Variants in CR2 observed in about 807,000 individuals in gnomAD.
The protein encoded by CR2 is complement receptor type 2.
A neutral mutation model predicts 123.0 loss-of-function variants in CR2; 96 were observed. The ratio of observed to expected loss-of-function variants is 0.78; its 90% CI spans 0.66 to 0.93. The LOEUF (loss-of-function observed/expected upper bound fraction) is 0.93. Ranked by LOEUF, CR2 falls within the 40% of genes least tolerant of loss-of-function variation. The pLI is 0.00. For missense variants in CR2, 1,258 were observed against 1,361.0 expected (o/e 0.92, Z 1.19); for synonymous variants, 484 against 469.5 (o/e 1.03, Z -0.40).
chr1:207,478,877 T>C (rs1658521682), intron 16 of CR2, among the ~76,000 whole-genome samples: 1 of 151,026 alleles, frequency 6.6e-6, no homozygotes, highest in African/African-American at 2.4e-5. Flanking sequence ...TCCCCCAATC[T>C]ACTTAGAGTG....
chr1:207,474,689 A>G (rs1658385125), intron 13 of CR2, 135 bp from the exon 14 acceptor site: 1 of 968,234 alleles, frequency 1.0e-6, no homozygotes, highest in Non-Finnish European at 1.6e-6. Flanking sequence ...AAAAAGCATA[A>G]TCCATATTCC....
Position 207,477,955 on chromosome 1 carries a change from G to T in CR2, c.2973G>T (p.Gln991His), listed in dbSNP as rs537266880. 6.8e-6 allele frequency: 11 copies of T among 1,614,120 alleles called. No homozygotes were observed. In the African/African-American group the frequency reaches 9.3e-5, roughly 14 times the overall value. ...GGCTGGAACCAAGGAAAATGTATCA[G>T]TATGGAGCTGTTGTAACTCTGGAGT... Reference protein sequence around the residue: ...QKGLEPRKMYQYGAVVTLECE... With the variant: ...QKGLEPRKMYHYGAVVTLECE... The change falls in exon 16 of 20, where the codon CAG becomes CAT. Residue 991 changes from glutamine to histidine, a missense_variant. Gln to His is a conservative substitution (Grantham distance 24). Coordinates refer to ENST00000367057, the MANE Select transcript of CR2 (RefSeq NM_001006658.3).
In CR2 at chr1:207,458,115, T is replaced by C. The variant is rs545698880; in HGVS notation, c.58+3639T>C. Among the ~76,000 whole-genome samples the C allele has an allele frequency of 1.0e-4, 12 of 119,328 alleles. No individual in the cohort carries two copies. The South Asian group carries it at 3.0e-3, about 30-fold the overall frequency. The allele number at this position is 119,328 out of a possible 152,430, so 78.3% of individuals were successfully genotyped here. On this transcript the variant is annotated intron_variant, in intron 1 of 19. Coordinates refer to ENST00000367057, the MANE Select transcript of CR2 (RefSeq NM_001006658.3). ...ACACACACACTCCTTTTTCAGGCTTTCCATCCTCAGAACAGGGTAATTCTA... is the reference window on the plus strand; with the variant it reads ...ACACACACACTCCTTTTTCAGGCTTCCCATCCTCAGAACAGGGTAATTCTA...
At chr1:207,481,735 A>G (rs1487206527) in intron 18 of CR2, among the ~76,000 whole-genome samples, 1 of 152,088 alleles carries the variant, frequency 6.6e-6, no homozygotes, top group African/African-American at 2.4e-5. Context: ...ATTACCTTAT[A>G]TAAGCTACAT....
At chr1:207,467,815 T>C (rs1281449074) in intron 2 of CR2, among the ~76,000 whole-genome samples, 1 of 152,184 alleles carries the variant, frequency 6.6e-6, no homozygotes, top group Admixed American at 6.5e-5. Context: ...ATCGTATACA[T>C]GTCGCTAAGT....
intron 1 of CR2, among the ~76,000 whole-genome samples, chr1:207,466,135 G>A (rs1251519542): frequency 2.0e-5 from 3 of 152,208 alleles, no homozygotes; most frequent in South Asian, 2.1e-4. Flanking sequence ...TTGAATGACC[G>A]TGGGGAGTTG....
At chr1:207,460,981 G>A (rs1657950463) in intron 1 of CR2, among the ~76,000 whole-genome samples, 2 of 152,072 alleles carry the variant, frequency 1.3e-5, no homozygotes, top group South Asian at 2.1e-4. Context: ...GTAATTTTCA[G>A]GATCATATGT....
intron 17 of CR2, among the ~76,000 whole-genome samples, chr1:207,479,616 T>A (rs1454090165): frequency 6.6e-6 from 1 of 152,230 alleles, no homozygotes; most frequent in Non-Finnish European, 1.5e-5. Flanking sequence ...TTAAATGTTA[T>A]GCAAAATTAT....
At chr1:207,459,570 C>T (rs1219514761) in intron 1 of CR2, among the ~76,000 whole-genome samples, 1 of 152,088 alleles carries the variant, frequency 6.6e-6, no homozygotes, top group East Asian at 1.9e-4. Flanking sequence ...GGTAAAGTCC[C>T]TGGGCCCAAG....
chr1:207,473,933 G>A lies in CR2; in HGVS notation c.2240+48G>A, dbSNP rs768350405. 30 of 1,559,312 alleles carry A rather than the reference G, an allele frequency of 1.9e-5. No individual in the cohort carries two copies. The African/African-American group carries it at 3.9e-4, about 20-fold the overall frequency. ...TGAGAAAAGGTCTCAACCTTGTTTTGTGGATTAACTTGACCTTCAACTTGT... is the reference window on the plus strand; with the variant it reads ...TGAGAAAAGGTCTCAACCTTGTTTTATGGATTAACTTGACCTTCAACTTGT... On this transcript the variant is annotated intron_variant, in intron 12 of 19. Coordinates refer to ENST00000367057, the MANE Select transcript of CR2 (RefSeq NM_001006658.3).
intron 1 of CR2, among the ~76,000 whole-genome samples, chr1:207,460,386 T>C (rs986344053): frequency 2.6e-5 from 4 of 152,172 alleles, no homozygotes. Context: ...CAGTAGTAGT[T>C]TGGGGTCACA....
At position 207,468,705 on chromosome 1, in the gene CR2, C is replaced by G. The variant is rs61759494; in HGVS notation, c.624C>G (p.Pro208=). The stretch of plus-strand genomic sequence containing the variant: ...CGGGAAAATGGAGTGCTGTCCCCCC[C>G]ACATGTGAAGGTACCCTAAATTTAC... ...LSSGKWSAVP[P]TCEEARCKSL... Residue 208 remains proline (P), a synonymous_variant, in exon 3 of 20, where the codon CCC becomes CCG. Coordinates refer to ENST00000367057, the MANE Select transcript of CR2 (RefSeq NM_001006658.3). The G allele has an allele frequency of 0.011, 17,990 of 1,613,976 alleles. 140 individuals carry two copies. Among genetic ancestry groups the G allele is most frequent in the Non-Finnish European group, 0.012 (14,730 of 1,179,906 alleles).
At chr1:207,467,676 A>G (rs780387725) in intron 2 of CR2, among the ~76,000 whole-genome samples, 1 of 152,162 alleles carries the variant, frequency 6.6e-6, no homozygotes, top group Non-Finnish European at 1.5e-5. Flanking sequence ...CTGTTTATTG[A>G]TTGATTGATT....
chr1:207,479,908 C>A, intron 17 of CR2, 70 bp from the exon 18 acceptor site: 2 of 1,138,820 alleles, frequency 1.8e-6, no homozygotes, highest in Non-Finnish European at 2.7e-6. Context: ...AGCAATAGGC[C>A]CTGCAATCAG....
intron 2 of CR2, among the ~76,000 whole-genome samples, chr1:207,467,671 TATTG>T (rs772228164): frequency 6.6e-5 from 10 of 152,304 alleles, no homozygotes; most frequent in Non-Finnish European, 1.3e-4. Flanking sequence ...GGATTCTGTT[TATTG>T]ATTGATTGAT....
chr1:207,481,171 C>A (rs1291553594), intron 18 of CR2, among the ~76,000 whole-genome samples: 1 of 151,950 alleles, frequency 6.6e-6, no homozygotes, highest in Non-Finnish European at 1.5e-5. Context: ...TATTTTTAAA[C>A]ATCTTAATCC....
At chr1:207,486,503 T>C (rs951497919) in intron 19 of CR2, among the ~76,000 whole-genome samples, 6 of 152,104 alleles carry the variant, frequency 3.9e-5, no homozygotes, top group Admixed American at 6.6e-5. Flanking sequence ...TGCTAGGTCA[T>C]GGTAAAGAGA....
intron 15 of CR2, 142 bp from the exon 16 acceptor site, chr1:207,477,743 G>A: frequency 1.4e-6 from 1 of 716,000 alleles, no homozygotes. Flanking sequence ...CTAGGATATA[G>A]TCTTATCCTA....
At chr1:207,477,803 T>C (rs1465578103) in intron 15 of CR2, 82 bp from the exon 16 acceptor site, 1 of 1,292,664 alleles carries the variant, frequency 7.7e-7, no homozygotes, top group African/African-American at 1.5e-5. Flanking sequence ...GTTTTATAAA[T>C]CTTTCTATTA....
Sources: gnomAD v4.1 joint callset for allele counts (sites outside exome capture counted in the v4.1 genomes callset) on GRCh38, gnomAD v4.1.1 for gene constraint, MANE v1.5 for transcripts, NCBI Gene and HGNC (gene_info 2026-07-23, HGNC 2026-07-21) for gene names.